The following MARCHF3 variants were observed in gnomAD, a reference collection of about 807,000 sequenced individuals.
MARCHF3 encodes the protein E3 ubiquitin-protein ligase MARCHF3.
MARCHF3 carries 13 observed loss-of-function variants against 24.2 expected under a neutral mutation model. That is an observed-to-expected ratio of 0.54 (90% CI 0.35 to 0.85). The LOEUF is 0.85. MARCHF3 is among the 40% of genes least tolerant of loss of function. The pLI, the probability that MARCHF3 is intolerant of heterozygous loss-of-function variation, is 0.01. For synonymous variants in MARCHF3, 144 were observed against 137.3 expected, an observed-to-expected ratio of 1.05 and a Z score of -0.34; for missense variants, 276 against 325.0, an observed-to-expected ratio of 0.85 and a Z score of 1.16.
chr5:127,003,253 G>A (rs1341982176), intron 1 of MARCHF3, among the ~76,000 whole-genome samples: 2 of 152,092 alleles, frequency 1.3e-5, no homozygotes, highest in Non-Finnish European at 2.9e-5. Context: ...GCCGAGGCGG[G>A]CGGAACACGA....
chr5:127,028,365 T>C (rs886783535), intron 1 of MARCHF3, among the ~76,000 whole-genome samples: 50 of 152,222 alleles, frequency 3.3e-4, no homozygotes, highest in Non-Finnish European at 3.7e-4. Flanking sequence ...CATACCCTTT[T>C]AGTCATCAGA....
chr5:126,879,979 G>T (rs967442392), intron 3 of MARCHF3, among the ~76,000 whole-genome samples: 1 of 152,154 alleles, frequency 6.6e-6, no homozygotes, highest in Non-Finnish European at 1.5e-5. Context: ...AGTGGCCAGG[G>T]CAGCGAATCC....
intron 1 of MARCHF3, among the ~76,000 whole-genome samples, chr5:126,942,701 G>A (rs1184229645): frequency 6.6e-6 from 1 of 152,156 alleles, no homozygotes; most frequent in East Asian, 1.9e-4. Flanking sequence ...ACATGAAGAA[G>A]GGAAATCATC....
At chr5:126,975,046 TCCCAGGTTC>T (rs944956446) in intron 1 of MARCHF3, among the ~76,000 whole-genome samples, 8 of 152,232 alleles carry the variant, frequency 5.3e-5, no homozygotes, top group African/African-American at 1.9e-4. Context: ...AACCTCCGCC[TCCCAGGTTC>T]AAGTGATTCT....
chr5:126,921,123 C>T (rs982278046), intron 1 of MARCHF3, among the ~76,000 whole-genome samples: 3 of 151,896 alleles, frequency 2.0e-5, no homozygotes, highest in Non-Finnish European at 4.4e-5. Context: ...CCCTGAAAAA[C>T]ATACCAGCAT....
intron 1 of MARCHF3, among the ~76,000 whole-genome samples, chr5:126,968,385 T>G (rs1021459563): frequency 5.3e-5 from 8 of 152,196 alleles, no homozygotes; most frequent in Non-Finnish European, 7.3e-5. Flanking sequence ...TTCTCCAAAT[T>G]CTTGTCAATA....
intron 3 of MARCHF3, among the ~76,000 whole-genome samples, chr5:126,912,124 A>G (rs774774321): frequency 6.6e-6 from 1 of 152,354 alleles, no homozygotes; most frequent in African/African-American, 2.4e-5. Flanking sequence ...AAGACTTCAC[A>G]TAGCAGCCAG....
chr5:126,904,036 T>C (rs1174762751), intron 3 of MARCHF3, among the ~76,000 whole-genome samples: 3 of 147,812 alleles, frequency 2.0e-5, no homozygotes, highest in African/African-American at 5.0e-5. Context: ...ATTGTTCAAT[T>C]CCCACCTATG....
In MARCHF3 at chr5:126,878,372, TG is replaced by T; in HGVS notation, c.415del (p.Gln139SerfsTer17). ...GCCAAACAGAGTCCGCTTCTCATGC[TG>T]GGGGCCAGGGTTTCTCAGCCACTGC... ...LVEWLRNPGP[Q>X]HEKRTLFGDM... is the part of the protein sequence containing the mutation. On this transcript the variant is annotated frameshift_variant, in exon 4 of 5. Coordinates refer to ENST00000308660, the MANE Select transcript of MARCHF3 (RefSeq NM_178450.5). LOFTEE classifies it high-confidence loss of function. The T allele has an allele frequency of 6.2e-7, 1 of 1,613,582 alleles. No individual in the cohort carries two copies. The highest frequency in any genetic ancestry group is 8.5e-7 in the Non-Finnish European group (1 of 1,179,760).
At chr5:126,957,721 T>C (rs1750496851) in intron 1 of MARCHF3, among the ~76,000 whole-genome samples, 1 of 152,138 alleles carries the variant, frequency 6.6e-6, no homozygotes, top group African/African-American at 2.4e-5. Flanking sequence ...TAATTCATTT[T>C]TAATAACTGG....
chr5:126,998,269 A>C (rs61279308), intron 1 of MARCHF3, among the ~76,000 whole-genome samples: 7,851 of 152,292 alleles, frequency 0.052, 373 homozygotes, highest in South Asian at 0.14. Flanking sequence ...ATCAGCCAGG[A>C]CCATCTGCTG....
chr5:126,987,076 C>T (rs978855565), intron 1 of MARCHF3, among the ~76,000 whole-genome samples: 1 of 152,208 alleles, frequency 6.6e-6, no homozygotes, highest in Non-Finnish European at 1.5e-5. Context: ...TTAAGTCAAT[C>T]AGATTACCCT....
chr5:126,999,231 T>G (rs1452982306), intron 1 of MARCHF3, among the ~76,000 whole-genome samples: 2 of 152,356 alleles, frequency 1.3e-5, no homozygotes, highest in Middle Eastern at 3.4e-3. Flanking sequence ...ATGTAGATGA[T>G]GCAGAAAATG....
intron 4 of MARCHF3, among the ~76,000 whole-genome samples, chr5:126,877,624 C>A (rs1753201230): frequency 6.6e-6 from 1 of 152,216 alleles, no homozygotes; most frequent in African/African-American, 2.4e-5. Flanking sequence ...AGCTTCTCAG[C>A]TAGATAAATT....
At chr5:127,011,462 G>A (rs1752470300) in intron 1 of MARCHF3, among the ~76,000 whole-genome samples, 1 of 152,124 alleles carries the variant, frequency 6.6e-6, no homozygotes, top group Admixed American at 6.5e-5. Context: ...AAAAAATGAG[G>A]TATTGTCTCT....
Position 126,900,593 on chromosome 5 carries a change from T to A in MARCHF3, c.393+14337A>T, listed in dbSNP as rs914719688. Among the ~76,000 whole-genome samples the A allele has an allele frequency of 1.3e-4, 16 of 124,632 alleles. No homozygotes were observed. In the East Asian group the frequency reaches 3.8e-3, roughly 30 times the overall value. 81.8% of individuals were successfully genotyped at this position (124,632 alleles called of 152,430 possible). ...CTGTGAGAAATACATTTCTGTTGTT[T>A]ATAAGCCATTCAGTTTACAGTATTT... On this transcript the variant is annotated intron_variant, in intron 3 of 4. Coordinates refer to ENST00000308660, the MANE Select transcript of MARCHF3 (RefSeq NM_178450.5).
intron 3 of MARCHF3, among the ~76,000 whole-genome samples, chr5:126,881,803 C>G (rs1753351228): frequency 6.6e-6 from 1 of 151,650 alleles, no homozygotes; most frequent in African/African-American, 2.4e-5. Flanking sequence ...AACATGGATT[C>G]CTTGTATAAA....
chr5:126,938,831 A>C (rs1246184909), intron 1 of MARCHF3, among the ~76,000 whole-genome samples: 2 of 152,236 alleles, frequency 1.3e-5, no homozygotes, highest in East Asian at 3.8e-4. Context: ...AAGAAAATGT[A>C]ATGTTTCCTC....
At chr5:126,899,586 AG>A (rs1336986118) in intron 3 of MARCHF3, among the ~76,000 whole-genome samples, 2 of 152,152 alleles carry the variant, frequency 1.3e-5, no homozygotes, top group Non-Finnish European at 2.9e-5. Flanking sequence ...AAAAAAAGAA[AG>A]GCTATGTAAA....
Sources: allele counts gnomAD v4.1 joint callset (sites outside exome capture counted in the v4.1 genomes callset), GRCh38; gene constraint gnomAD v4.1.1; transcripts MANE v1.5; gene names NCBI Gene and HGNC (gene_info 2026-07-23, HGNC 2026-07-21).